The following EXPH5 variants were observed in gnomAD, a reference collection of about 807,000 sequenced individuals.
EXPH5 encodes the protein exophilin 5.
EXPH5 carries 42 observed loss-of-function variants against 41.1 expected under a neutral mutation model. The observed-to-expected ratio is 1.02, with a 90% CI of 0.80 to 1.32. EXPH5 has a LOEUF of 1.32. Among genes scored for constraint, EXPH5 ranks in the 40% most tolerant of loss-of-function variants. The pLI is 0.00. For synonymous variants in EXPH5, 798 were observed against 833.5 expected, an observed-to-expected ratio of 0.96 and a Z score of 0.73; for missense variants, 2,298 against 2,314.5, an observed-to-expected ratio of 0.99 and a Z score of 0.15.
chr11:108,511,655 C>T lies in EXPH5; in HGVS notation c.3852G>A (p.Val1284=), dbSNP rs2093682632. The change falls in exon 6 of 6, where the codon GTG becomes GTA. Residue 1284 remains valine (V), a synonymous_variant. Transcript: ENST00000265843. ...NTNLLIESPQ[V]ETETFPNALE... ...AAGCGTTAGGAAATGTTTCAGTCTC[C>T]ACTTGAGGTGATTCTATAAGTAAAT... 6.2e-7 allele frequency: 1 copy of T among 1,606,134 alleles called. No homozygotes were observed.
At chr11:108,559,252 G>C (rs1225285156) in intron 1 of EXPH5, among the ~76,000 whole-genome samples, 1 of 152,184 alleles carries the variant, frequency 6.6e-6, no homozygotes, top group African/African-American at 2.4e-5. Context: ...ATGAATACAA[G>C]AGAATGAAAA....
intron 1 of EXPH5, among the ~76,000 whole-genome samples, chr11:108,564,262 T>C (rs1474912925): frequency 6.6e-6 from 1 of 152,122 alleles, no homozygotes; most frequent in East Asian, 1.9e-4. Flanking sequence ...CACTCCAGCC[T>C]GGGTGACAGA....
chr11:108,545,961 G>C (rs2093936505), intron 1 of EXPH5, among the ~76,000 whole-genome samples: 1 of 151,924 alleles, frequency 6.6e-6, no homozygotes, highest in South Asian at 2.1e-4. Context: ...GACCTGGGCT[G>C]AGGCACCACC....
chr11:108,554,165 G>A (rs1037090800), intron 1 of EXPH5, among the ~76,000 whole-genome samples: 1 of 151,576 alleles, frequency 6.6e-6, no homozygotes, highest in Admixed American at 6.6e-5. Context: ...CTGGGTTCAA[G>A]TGATTCTCCT....
chr11:108,599,403 G>A, the EXPH5 span, among the ~76,000 whole-genome samples: 4 of 152,062 alleles, frequency 2.6e-5, no homozygotes, highest in Non-Finnish European at 4.4e-5. Context: ...TCACAATTGT[G>A]TATATACATA....
At chr11:108,562,729 G>A (rs948448996) in intron 1 of EXPH5, among the ~76,000 whole-genome samples, 49 of 152,228 alleles carry the variant, frequency 3.2e-4, no homozygotes, top group African/African-American at 1.1e-3. Context: ...TTGGGAGGCC[G>A]AGGCAGGAGG....
At position 108,510,389 on chromosome 11, in the gene EXPH5, G is replaced by A. The variant is rs1414556096; in HGVS notation, c.5118C>T (p.Val1706=). The A allele has an allele frequency of 6.2e-7, 1 of 1,614,014 alleles. No homozygotes were observed. Residue 1706 remains valine, a synonymous_variant, in exon 6 of 6, where the codon GTC becomes GTT. Transcript: ENST00000265843. ...SQRHQNEFKN[V]SESPSKHENS... ...TCTCATGCTTTGATGGTGATTCTGAGACGTTTTTAAACTCATTCTGATGTC... is the reference window on the plus strand; with the variant it reads ...TCTCATGCTTTGATGGTGATTCTGAAACGTTTTTAAACTCATTCTGATGTC...
At chr11:108,530,800 G>A (rs548081468) in intron 3 of EXPH5, among the ~76,000 whole-genome samples, 1 of 152,330 alleles carries the variant, frequency 6.6e-6, no homozygotes, top group Non-Finnish European at 1.5e-5. Context: ...CACCAAGCGT[G>A]AGGGCGTGCC....
chr11:108,573,136 G>GA (rs1565830476), intron 1 of EXPH5, among the ~76,000 whole-genome samples: 2 of 119,280 alleles, frequency 1.7e-5, no homozygotes, highest in African/African-American at 3.4e-5. Flanking sequence ...AGGAAGGAAA[G>GA]AAGGAAAGAA....
In EXPH5 at chr11:108,509,608, C is replaced by CT; in HGVS notation, c.5898dup (p.Asp1967ArgfsTer3). Reference sequence around the variant, plus strand: ...TCTGTGGTTGTGTCTGTGTCACAATCTGAGTCCACTGGGTCATCCTCATAG... The same window carrying CT: ...TCTGTGGTTGTGTCTGTGTCACAATCTTGAGTCCACTGGGTCATCCTCATAG... On this transcript the variant is annotated frameshift_variant, in exon 6 of 6. Coordinates refer to ENST00000265843, the MANE Select transcript of EXPH5 (RefSeq NM_015065.3). LOFTEE classifies it high-confidence loss of function. 1 of 1,607,194 alleles carries CT rather than the reference C, an allele frequency of 6.2e-7. No individual in the cohort carries two copies. Among genetic ancestry groups the CT allele is most frequent in the Non-Finnish European group, 8.5e-7 (1 of 1,177,786 alleles).
Position 108,510,916 on chromosome 11 carries a change from C to CT in EXPH5, c.4590dup (p.Glu1531ArgfsTer6), listed in dbSNP as rs765850451. The CT allele has an allele frequency of 3.1e-6, 5 of 1,614,038 alleles. No homozygotes were observed. Among genetic ancestry groups the CT allele is most frequent in the Non-Finnish European group, 4.2e-6 (5 of 1,180,026 alleles). ...TCTCTTGGTTCAGACTGCAGACTCT[C>CT]TAAGTTTGGTTCATCTGACTGAGTC... On this transcript the variant is annotated frameshift_variant, in exon 6 of 6. Coordinates refer to ENST00000265843, the MANE Select transcript of EXPH5 (RefSeq NM_015065.3). LOFTEE classifies it low-confidence loss of function (END_TRUNC).
intron 1 of EXPH5, among the ~76,000 whole-genome samples, chr11:108,553,769 C>T (rs2852191): frequency 0.97 from 147,343 of 152,296 alleles, 71,459 homozygotes; most frequent in Non-Finnish European, 1. Flanking sequence ...GCCATCATTG[C>T]GAAGCAGTTC....
intron 1 of EXPH5, 83 bp downstream of exon 1, chr11:108,593,335 G>A: frequency 1.6e-6 from 2 of 1,269,700 alleles, no homozygotes; most frequent in Non-Finnish European, 1.1e-6. Context: ...CAGGTGCCCC[G>A]CGCGAGCTCA....
chr11:108,551,599 C>T (rs914219793), intron 1 of EXPH5, among the ~76,000 whole-genome samples: 2 of 151,952 alleles, frequency 1.3e-5, no homozygotes, highest in African/African-American at 4.8e-5. Context: ...AGCTGATCTT[C>T]GCGGACCTGA....
chr11:108,569,134 G>C (rs2094048324), intron 1 of EXPH5, among the ~76,000 whole-genome samples: 1 of 151,988 alleles, frequency 6.6e-6, no homozygotes, highest in South Asian at 2.1e-4. Flanking sequence ...CATCTTTATG[G>C]CTTGCCTAAT....
At chr11:108,597,956 A>G (rs1315987836), upstream of EXPH5, among the ~76,000 whole-genome samples, 1 of 152,246 alleles carries the variant, frequency 6.6e-6, no homozygotes, top group Non-Finnish European at 1.5e-5. Flanking sequence ...GGAGCTGTGT[A>G]GACAAGATGT....
chr11:108,514,578 T>C lies in EXPH5; in HGVS notation c.929A>G (p.Tyr310Cys). 1.9e-6 allele frequency: 3 copies of C among 1,614,048 alleles called. No individual in the cohort carries two copies. Among genetic ancestry groups the C allele is most frequent in the Non-Finnish European group, 2.5e-6 (3 of 1,179,958 alleles). ...ACTGCCAAAAGTATTCTTTTGCACA[T>C]AATCTTCTTTAAAGACTCTGGGCTC... ...TREPRVFKED[Y>C]VQKNTFGSTS... The change falls in exon 6 of 6, where the codon TAT becomes TGT. Residue 310 changes from tyrosine to cysteine, a missense_variant. Tyr to Cys is a radical substitution (Grantham distance 194). Transcript: ENST00000265843.
chr11:108,539,102 C>A lies in EXPH5; in HGVS notation c.365G>T (p.Arg122Ile). ...PTPFSSRMSF[R>I]SSFASLFSFR... ...TGAGAACAGGGAAGCAAATGACGAT[C>A]TGAAGCTCATCCGGGAAGAAAAAGG... The change falls in exon 3 of 6, where the codon AGA becomes ATA. Residue 122 changes from arginine (R) to isoleucine (I), a missense_variant. Coordinates refer to ENST00000265843, the MANE Select transcript of EXPH5 (RefSeq NM_015065.3). 1.2e-6 allele frequency: 2 copies of A among 1,612,090 alleles called. No individual in the cohort carries two copies. The highest frequency in any genetic ancestry group is 1.7e-6 in the Non-Finnish European group (2 of 1,178,852).
chr11:108,513,870 T>C lies in EXPH5; in HGVS notation c.1637A>G (p.Glu546Gly). The change falls in exon 6 of 6, where the codon GAA becomes GGA. Residue 546 changes from glutamate to glycine, a missense_variant. Glu to Gly is a moderately conservative substitution (Grantham distance 98). Coordinates refer to ENST00000265843, the MANE Select transcript of EXPH5 (RefSeq NM_015065.3). ...GYGTDVSRGQ[E>G]EPHPWQFDFQ... ...ATCAAACTGCCAAGGATGTGGCTCTTCTTGGCCTCTGGAAACATCTGTTCC... is the reference window on the plus strand; with the variant it reads ...ATCAAACTGCCAAGGATGTGGCTCTCCTTGGCCTCTGGAAACATCTGTTCC... The C allele has an allele frequency of 6.2e-7, 1 of 1,612,446 alleles. No individual in the cohort carries two copies. The highest frequency in any genetic ancestry group is 8.5e-7 in the Non-Finnish European group (1 of 1,179,374).
Sources: allele counts gnomAD v4.1 joint callset (sites outside exome capture counted in the v4.1 genomes callset), GRCh38; gene constraint gnomAD v4.1.1; transcripts MANE v1.5; gene names NCBI Gene and HGNC (gene_info 2026-07-23, HGNC 2026-07-21).